The following UBAC2 variants were observed in gnomAD, a reference collection of about 807,000 sequenced individuals.
UBAC2 encodes ubiquitin-associated domain-containing protein 2.
In UBAC2, 26 loss-of-function variants were observed where a neutral mutation model predicts 44.0. The ratio of observed to expected loss-of-function variants is 0.59; its 90% CI spans 0.43 to 0.82. UBAC2 has a LOEUF of 0.82. Among genes scored for constraint, UBAC2 ranks in the 40% least tolerant of loss-of-function variants. The pLI is 0.00. For missense variants in UBAC2, 329 were observed against 419.4 expected (o/e 0.78, Z 1.88); for synonymous variants, 155 against 154.3 (o/e 1.00, Z -0.04).
At chr13:99,317,394 G>C (rs1447491721) in intron 5 of UBAC2, among the ~76,000 whole-genome samples, 1 of 152,004 alleles carries the variant, frequency 6.6e-6, no homozygotes, top group East Asian at 1.9e-4. Flanking sequence ...AGATATAAAC[G>C]ATTTGGAAAA....
At chr13:99,244,892 G>A (rs2043363950) in intron 4 of UBAC2, among the ~76,000 whole-genome samples, 1 of 151,662 alleles carries the variant, frequency 6.6e-6, no homozygotes, top group African/African-American at 2.4e-5. Flanking sequence ...GAGTGCATTG[G>A]CACGATCTCG....
intron 4 of UBAC2, among the ~76,000 whole-genome samples, chr13:99,279,940 C>T: frequency 6.6e-6 from 1 of 152,190 alleles, no homozygotes; most frequent in East Asian, 1.9e-4. Context: ...CAGTTGATAG[C>T]ACTTGGTTAG....
chr13:99,240,873 A>T (rs981585873), intron 2 of UBAC2, among the ~76,000 whole-genome samples: 2 of 152,170 alleles, frequency 1.3e-5, no homozygotes, highest in African/African-American at 4.8e-5. Context: ...GACAGTTGAT[A>T]TGCTCAGACT....
chr13:99,277,000 T>C (rs2043892256), intron 4 of UBAC2, among the ~76,000 whole-genome samples: 1 of 152,192 alleles, frequency 6.6e-6, no homozygotes, highest in African/African-American at 2.4e-5. Flanking sequence ...GTTAATCAGG[T>C]TGCCTCTCAG....
At chr13:99,246,088 C>G (rs959074667) in intron 4 of UBAC2, among the ~76,000 whole-genome samples, 3 of 152,142 alleles carry the variant, frequency 2.0e-5, no homozygotes, top group Admixed American at 2.0e-4. Flanking sequence ...TATCTTGATT[C>G]AAATTCACTT....
intron 6 of UBAC2, among the ~76,000 whole-genome samples, chr13:99,334,091 C>T (rs1482920356): frequency 6.6e-6 from 1 of 152,094 alleles, no homozygotes; most frequent in Non-Finnish European, 1.5e-5. Context: ...GGACTACAGG[C>T]ATGCACCACC....
intron 8 of UBAC2, among the ~76,000 whole-genome samples, chr13:99,381,234 G>A (rs1158480975): frequency 6.6e-6 from 1 of 152,224 alleles, no homozygotes; most frequent in Non-Finnish European, 1.5e-5. Context: ...TGACCTGTGT[G>A]TAGCCAGCCC....
intron 1 of UBAC2, among the ~76,000 whole-genome samples, chr13:99,234,198 T>C (rs1452037755): frequency 9.7e-6 from 1 of 102,852 alleles, no homozygotes; most frequent in African/African-American, 3.1e-5. Context: ...TTTTTTTTTT[T>C]TTGAGATGGA....
intron 4 of UBAC2, among the ~76,000 whole-genome samples, chr13:99,247,368 CCA>C (rs371349117): frequency 0.011 from 1,741 of 151,824 alleles, 20 homozygotes; most frequent in Middle Eastern, 0.024. Context: ...GCGCCCGCTA[CCA>C]CGCCCGGCTA....
chr13:99,242,455 G>A, intron 2 of UBAC2, among the ~76,000 whole-genome samples: 1 of 144,470 alleles, frequency 6.9e-6, no homozygotes, highest in African/African-American at 2.5e-5. Flanking sequence ...CCGGGCGGGG[G>A]GCTGACCCCC....
intron 4 of UBAC2, chr13:99,313,375 G>A (rs2044441371): frequency 6.6e-6 from 1 of 152,242 alleles, no homozygotes; most frequent in Non-Finnish European, 1.5e-5. Flanking sequence ...ATGGATTAGA[G>A]AGAAGCAAGA....
intron 7 of UBAC2, among the ~76,000 whole-genome samples, chr13:99,347,863 A>G (rs1306933771): frequency 6.6e-6 from 1 of 151,792 alleles, no homozygotes; most frequent in Non-Finnish European, 1.5e-5. Flanking sequence ...GGCAGTGAAG[A>G]TGGAGTGGGC....
chr13:99,370,624 G>T (rs962666034), intron 8 of UBAC2, among the ~76,000 whole-genome samples: 2 of 152,134 alleles, frequency 1.3e-5, no homozygotes, highest in African/African-American at 2.4e-5. Context: ...GCAAAACTTT[G>T]TCCTCATTTT....
intron 1 of UBAC2, among the ~76,000 whole-genome samples, chr13:99,202,232 A>G (rs1264568051): frequency 2.6e-5 from 4 of 152,148 alleles, no homozygotes; most frequent in African/African-American, 7.2e-5. Context: ...AGTGGTTTCA[A>G]TATTTATGAT....
At chr13:99,243,486 G>A (rs2043345096) in intron 2 of UBAC2, among the ~76,000 whole-genome samples, 2 of 152,150 alleles carry the variant, frequency 1.3e-5, no homozygotes, top group South Asian at 4.1e-4. Context: ...ACATAAAAAT[G>A]AACATTTGTT....
chr13:99,254,503 G>A (rs1401621650), intron 4 of UBAC2, among the ~76,000 whole-genome samples: 1 of 152,080 alleles, frequency 6.6e-6, no homozygotes, highest in East Asian at 1.9e-4. Flanking sequence ...TAAAGTATTG[G>A]ATTTATAATT....
chr13:99,273,129 C>G (rs931759281), intron 4 of UBAC2, among the ~76,000 whole-genome samples: 1 of 151,258 alleles, frequency 6.6e-6, no homozygotes, highest in Non-Finnish European at 1.5e-5. Context: ...TTTCTTTTAT[C>G]TCTTCTATTA....
intron 4 of UBAC2, among the ~76,000 whole-genome samples, chr13:99,256,877 A>G (rs1015496004): frequency 2.0e-5 from 3 of 152,166 alleles, no homozygotes; most frequent in Non-Finnish European, 4.4e-5. Context: ...TCCCCTTGTA[A>G]TATGGAGGTG....
chr13:99,203,090 T>C (rs1308507269), intron 1 of UBAC2, among the ~76,000 whole-genome samples: 1 of 151,888 alleles, frequency 6.6e-6, no homozygotes, highest in Non-Finnish European at 1.5e-5. Context: ...CAGGCTGGAG[T>C]GCAGTGGTGG....
Sources: allele counts gnomAD v4.1 joint callset (sites outside exome capture counted in the v4.1 genomes callset), GRCh38; gene constraint gnomAD v4.1.1; transcripts MANE v1.5; gene names NCBI Gene and HGNC (gene_info 2026-07-23, HGNC 2026-07-21).